The following ART3 variants were observed in gnomAD, a reference collection of about 807,000 sequenced individuals.
The protein encoded by ART3 is ADP-ribosyltransferase 3 (inactive), also known as ecto-ADP-ribosyltransferase 3.
Under a neutral mutation model 48.5 loss-of-function variants are expected in ART3, and 49 were observed. That is an observed-to-expected ratio of 1.01 (90% confidence interval 0.80 to 1.28). The LOEUF (loss-of-function observed/expected upper bound fraction) is 1.28, where lower values mean the gene tolerates loss of function less well. Ranked by LOEUF, ART3 falls within the 50% of genes most tolerant of loss-of-function variation. ART3 has a pLI of 0.00. For missense variants in ART3, 438 were observed against 454.3 expected (o/e 0.96, Z 0.33); for synonymous variants, 145 against 157.2 (o/e 0.92, Z 0.58).
intron 1 of ART3, among the ~76,000 whole-genome samples, chr4:76,046,746 G>T (rs925959532): frequency 6.6e-6 from 1 of 151,956 alleles, no homozygotes; most frequent in African/African-American, 2.4e-5. Flanking sequence ...CTTAATAAGG[G>T]TGTGGGACTT....
chr4:76,105,948 C>T (rs1159067751), intron 10 of ART3: 4 of 984,724 alleles, frequency 4.1e-6, no homozygotes, highest in Non-Finnish European at 4.8e-6. Context: ...TGCTCCTCAC[C>T]ACACTCTACA....
At chr4:76,077,898 G>T (rs1333439561) in intron 2 of ART3, among the ~76,000 whole-genome samples, 1 of 152,304 alleles carries the variant, frequency 6.6e-6, no homozygotes, top group South Asian at 2.1e-4. Context: ...CATCGTAGAG[G>T]ATATGAAGTG....
At chr4:76,085,021 A>T (rs1392002004) in intron 3 of ART3, among the ~76,000 whole-genome samples, 1 of 152,160 alleles carries the variant, frequency 6.6e-6, no homozygotes, top group Non-Finnish European at 1.5e-5. Flanking sequence ...GTTTCCTTGA[A>T]CCTGAGCTGT....
chr4:76,106,447 G>A (rs545426546), intron 10 of ART3: 6 of 826,446 alleles, frequency 7.3e-6, no homozygotes, highest in Non-Finnish European at 8.8e-6. Flanking sequence ...GGCCGAGTTA[G>A]GTTAGAGGCC....
chr4:76,099,089 C>T (rs1450638304), intron 5 of ART3, 102 bp downstream of exon 5: 1 of 1,086,784 alleles, frequency 9.2e-7, no homozygotes, highest in Non-Finnish European at 1.4e-6. Context: ...ATCACTTGAG[C>T]CCAGGAGTTT....
chr4:76,079,403 G>A (rs774010239), intron 2 of ART3, among the ~76,000 whole-genome samples: 4 of 152,148 alleles, frequency 2.6e-5, no homozygotes, highest in East Asian at 1.9e-4. Flanking sequence ...TGTAAGTTTC[G>A]TCTTAGACAT....
Position 76,104,392 on chromosome 4 carries a change from A to G in ART3, c.971-205A>G, listed in dbSNP as rs954611538. 5.6e-5 allele frequency: 55 copies of G among 985,446 alleles called. 1 individual carries two copies. In the South Asian group the frequency reaches 1.9e-3, roughly 35 times the overall value. 61.0% of individuals were successfully genotyped at this position (985,446 alleles called of 1,614,324 possible). A position where few individuals can be genotyped will look rare whatever the true frequency, so the allele number is the denominator to read the frequency against. On this transcript the variant is annotated intron_variant, in intron 9 of 11. Transcript: ENST00000355810. ...CTCCTGGCATAAACATGCTCAGTGA[A>G]GTGCTATGGCAGAAGACTCCTCTAA...
chr4:76,050,821 C>T (rs1183651060), intron 1 of ART3, among the ~76,000 whole-genome samples: 1 of 152,184 alleles, frequency 6.6e-6, no homozygotes, highest in Non-Finnish European at 1.5e-5. Flanking sequence ...CAGCTAAGGC[C>T]CGATGAGAAA....
chr4:76,012,037 G>A (rs1488055599), intron 1 of ART3: 3 of 152,132 alleles, frequency 2.0e-5, no homozygotes, highest in Admixed American at 6.5e-5. Context: ...TTCCTTTTTG[G>A]ACAAGAATTT....
chr4:76,017,784 C>T (rs1051486698), intron 1 of ART3, among the ~76,000 whole-genome samples: 2 of 152,202 alleles, frequency 1.3e-5, no homozygotes, highest in African/African-American at 2.4e-5. Context: ...GGGTGATTCC[C>T]CTTTGCCTGG....
At chr4:76,055,877 A>G (rs569034195) in intron 1 of ART3, among the ~76,000 whole-genome samples, 53 of 152,310 alleles carry the variant, frequency 3.5e-4, no homozygotes, top group African/African-American at 1.3e-3. Flanking sequence ...AGACCAGCCA[A>G]TGTTTATTCC....
At chr4:76,083,998 G>T (rs1457572080) in intron 3 of ART3, among the ~76,000 whole-genome samples, 1 of 152,084 alleles carries the variant, frequency 6.6e-6, no homozygotes, top group Non-Finnish European at 1.5e-5. Context: ...AGTTAGAGTG[G>T]TTTTTCTGTG....
chr4:76,027,136 C>T (rs1314840996), intron 1 of ART3, among the ~76,000 whole-genome samples: 1 of 152,008 alleles, frequency 6.6e-6, no homozygotes, highest in African/African-American at 2.4e-5. Context: ...GACTGTAATC[C>T]CAGCTACACA....
At chr4:76,088,558 C>G (rs1724127734) in intron 3 of ART3, among the ~76,000 whole-genome samples, 1 of 152,076 alleles carries the variant, frequency 6.6e-6, no homozygotes, top group Non-Finnish European at 1.5e-5. Context: ...CTACCCCAGC[C>G]CTTGTGTGCT....
intron 3 of ART3, among the ~76,000 whole-genome samples, chr4:76,083,650 A>G (rs1184451586): frequency 1.3e-5 from 2 of 152,230 alleles, no homozygotes; most frequent in Admixed American, 1.3e-4. Flanking sequence ...ATCCATGTCC[A>G]AGACAAAAAG....
upstream of ART3, among the ~76,000 whole-genome samples, chr4:76,071,309 A>G (rs1270063692): frequency 2.0e-5 from 3 of 151,254 alleles, no homozygotes; most frequent in Non-Finnish European, 2.9e-5. Context: ...CGGAGGCTGC[A>G]GTGAGCTGAG....
intron 2 of ART3, among the ~76,000 whole-genome samples, chr4:76,078,821 C>T (rs961170930): frequency 2.6e-5 from 4 of 152,178 alleles, no homozygotes; most frequent in Non-Finnish European, 4.4e-5. Flanking sequence ...TGGCTCACGC[C>T]TGTAATCCCA....
chr4:76,058,491 A>T (rs1468518028), intron 1 of ART3: 1 of 152,170 alleles, frequency 6.6e-6, no homozygotes, highest in Non-Finnish European at 1.5e-5. Flanking sequence ...TTAAATGCAT[A>T]TATTGACAGT....
At chr4:76,063,788 C>T (rs1221378219) in intron 1 of ART3, among the ~76,000 whole-genome samples, 1 of 152,068 alleles carries the variant, frequency 6.6e-6, no homozygotes, top group Non-Finnish European at 1.5e-5. Context: ...TGGCACTAAA[C>T]ATTGAATTTA....
Sources: gnomAD v4.1 joint callset for allele counts (sites outside exome capture counted in the v4.1 genomes callset) on GRCh38, gnomAD v4.1.1 for gene constraint, MANE v1.5 for transcripts, NCBI Gene and HGNC (gene_info 2026-07-23, HGNC 2026-07-21) for gene names.